The following MUC4 variants were observed in gnomAD, a reference collection of about 807,000 sequenced individuals.
The protein encoded by MUC4 is mucin-4.
Under a neutral mutation model 257.9 loss-of-function variants are expected in MUC4, and 202 were observed. That is an observed-to-expected ratio of 0.78 (90% CI 0.70 to 0.88). The LOEUF (loss-of-function observed/expected upper bound fraction) is 0.88. Among genes scored for constraint, MUC4 ranks in the 40% least tolerant of loss-of-function variants. The probability of loss-of-function intolerance (pLI) is 0.00; values close to 1 mark genes in which losing one functional copy is unlikely to be tolerated. For missense variants in MUC4, 5,976 were observed against 6,513.7 expected, an observed-to-expected ratio of 0.92 and a Z score of 2.84; for synonymous variants, 2,351 against 2,757.1, an observed-to-expected ratio of 0.85 and a Z score of 4.62.
At chr3:195,748,073 G>A (rs532984239) in intron 24 of MUC4, among the ~76,000 whole-genome samples, 3 of 152,342 alleles carry the variant, frequency 2.0e-5, no homozygotes, top group African/African-American at 7.2e-5. Flanking sequence ...TGCAGCTGGC[G>A]GAGGGCCCGG....
Position 195,782,134 on chromosome 3 carries a change from T to C in MUC4, c.9446A>G (p.Asp3149Gly), listed in dbSNP as rs1442830998. 7.3e-7 allele frequency: 1 copy of C among 1,360,590 alleles called. No homozygotes were observed. Among genetic ancestry groups the C allele is most frequent in the Admixed American group, 2.3e-5 (1 of 43,678 alleles). 84.3% of individuals were successfully genotyped at this position (1,360,590 alleles called of 1,614,324 possible). ...GTCGGTGACAGGAAGAGGGGTGGTG[T>C]CACCTGTGGATGCTGAGGAAGTGCT... ...VTSTSSASTG[D>G]TTPLPVTDTS... The change falls in exon 2 of 25, where the codon GAC becomes GGC. Residue 3149 changes from aspartate to glycine, a missense_variant. Around this residue, in one of 44 missense-constraint regions of MUC4, gnomAD observed 128 missense variants for 104.8 expected, o/e 1.22. Coordinates refer to ENST00000463781, the MANE Select transcript of MUC4 (RefSeq NM_018406.7).
At chr3:195,777,508 A>G (rs1351256624) in intron 3 of MUC4, among the ~76,000 whole-genome samples, 3 of 78,606 alleles carry the variant, frequency 3.8e-5, no homozygotes, top group African/African-American at 2.0e-4. Flanking sequence ...TACCTTCCAC[A>G]GTCATACCTT....
Position 195,791,287 on chromosome 3 carries a change from G to A in MUC4, c.293C>T (p.Thr98Ile). 6.2e-7 allele frequency: 1 copy of A among 1,613,924 alleles called. No homozygotes were observed. Among genetic ancestry groups the A allele is most frequent in the Non-Finnish European group, 8.5e-7 (1 of 1,179,886 alleles). ...AQTDTLTQMMTSTLFSSPSVH... is the reference protein window; with the variant it reads ...AQTDTLTQMMISTLFSSPSVH... ...ACTTGGGGAAGAAAAAAGAGTTGAT[G>A]TCATCATCTGCGTGAGGGTGTCGGT... Residue 98 changes from threonine (T) to isoleucine (I), a missense_variant, in exon 2 of 25, where the codon ACA becomes ATA. Thr to Ile is a moderately conservative substitution (Grantham distance 89). Around this residue, in one of 44 missense-constraint regions of MUC4, gnomAD observed 1,583 missense variants for 1,257.4 expected, o/e 1.26. Transcript: ENST00000463781.
chr3:195,761,868 C>A lies in MUC4; in HGVS notation c.14512+219G>T, dbSNP rs537553059. ...GCTGTGCCCCCCGCCTCCCCGCAGC[C>A]CCCCCTGATGCTCCCTTAGAGCGGG... On this transcript the variant is annotated intron_variant, in intron 14 of 24. Transcript: ENST00000463781. Among the ~76,000 whole-genome samples, 119 of 151,150 alleles carry A rather than the reference C, an allele frequency of 7.9e-4. 2 individuals are homozygous for A. The highest frequency in any genetic ancestry group is 1.1e-3 in the Non-Finnish European group (77 of 67,156).
At chr3:195,802,211 G>A (rs1471189566) in intron 1 of MUC4, among the ~76,000 whole-genome samples, 1 of 152,202 alleles carries the variant, frequency 6.6e-6, no homozygotes, top group African/African-American at 2.4e-5. Flanking sequence ...CCAGAAAGCT[G>A]TGGGTCCTCT....
intron 1 of MUC4, among the ~76,000 whole-genome samples, chr3:195,794,873 T>C (rs903938863): frequency 3.1e-4 from 47 of 152,222 alleles, no homozygotes; most frequent in Non-Finnish European, 7.3e-5. Context: ...TGCAAGCTTC[T>C]GCACTTCATT....
At chr3:195,794,398 GAGAGAGAGAGAGAAAGAA>G (rs1258149585) in intron 1 of MUC4, among the ~76,000 whole-genome samples, 12 of 150,826 alleles carry the variant, frequency 8.0e-5, no homozygotes, top group Admixed American at 1.3e-4. Flanking sequence ...AGAGAAGAAA[GAGAGAGAGAGAGAAAGAA>G]AGAGAGAGAG....
At chr3:195,799,445 C>T (rs1429882838) in intron 1 of MUC4, among the ~76,000 whole-genome samples, 1 of 152,190 alleles carries the variant, frequency 6.6e-6, no homozygotes, top group Non-Finnish European at 1.5e-5. Context: ...GGATTACAGG[C>T]ATGTGCCACC....
chr3:195,767,645 C>T (rs1459871995), intron 7 of MUC4, among the ~76,000 whole-genome samples: 1 of 87,628 alleles, frequency 1.1e-5, no homozygotes, highest in Non-Finnish European at 2.0e-5. Context: ...ACCACCATCG[C>T]CACCACCACC....
intron 4 of MUC4, 87 bp from the exon 5 acceptor site, chr3:195,771,903 C>T (rs1168754363): frequency 1.1e-5 from 16 of 1,448,000 alleles, no homozygotes; most frequent in Non-Finnish European, 1.4e-5. Flanking sequence ...AAAAGCGTGA[C>T]CCCCAAGGGT....
In MUC4 at chr3:195,788,735, A is replaced by C; in HGVS notation, c.2845T>G (p.Ser949Ala). 4.4e-6 allele frequency: 7 copies of C among 1,608,158 alleles called. No individual in the cohort carries two copies. The highest frequency in any genetic ancestry group is 5.9e-6 in the Non-Finnish European group (7 of 1,178,390). Residue 949 changes from serine (S) to alanine (A), a missense_variant, in exon 2 of 25, where the codon TCT becomes GCT. Physicochemically the swap from Ser to Ala is moderately conservative, Grantham distance 99. Coordinates refer to ENST00000463781, the MANE Select transcript of MUC4 (RefSeq NM_018406.7). ...PPSITSTGLT[S>A]PQTETHTLSP... ...AGAGTGTGGGTCTCGGTTTGTGGAG[A>C]TGTAAGCCCAGTGGATGTGATCGAT...
intron 24 of MUC4, 99 bp downstream of exon 24, chr3:195,748,803 A>G: frequency 1.4e-6 from 2 of 1,394,164 alleles, no homozygotes; most frequent in African/African-American, 1.5e-5. Context: ...CTGGTCTCTG[A>G]TCTCTCGAGC....
intron 11 of MUC4, among the ~76,000 whole-genome samples, 196 bp downstream of exon 11, chr3:195,763,849 T>C (rs752754371): frequency 6.6e-6 from 1 of 152,284 alleles, no homozygotes; most frequent in Non-Finnish European, 1.5e-5. Context: ...TGCATTTTCG[T>C]GCCCCGCTAT....
At chr3:195,765,532 C>T in intron 8 of MUC4, 83 bp from the exon 9 acceptor site, 1 of 1,344,252 alleles carries the variant, frequency 7.4e-7, no homozygotes, top group Non-Finnish European at 1.0e-6. Context: ...AACCAAAACT[C>T]ACAAATGCAC....
At chr3:195,793,357 C>T (rs1734113961) in intron 1 of MUC4, among the ~76,000 whole-genome samples, 1 of 151,814 alleles carries the variant, frequency 6.6e-6, no homozygotes, top group South Asian at 2.1e-4. Flanking sequence ...ACAGAAATAG[C>T]TGGGCGTGGT....
chr3:195,790,127 T>C lies in MUC4; in HGVS notation c.1453A>G (p.Thr485Ala), dbSNP rs180775977. The change falls in exon 2 of 25, where the codon ACA (threonine) becomes GCA (alanine). Residue 485 changes from threonine (T) to alanine (A), a missense_variant. By Grantham distance (58) the Thr-to-Ala change is moderately conservative. Around this residue, in one of 44 missense-constraint regions of MUC4, gnomAD observed 1,583 missense variants for 1,257.4 expected, o/e 1.26. Transcript: ENST00000463781. ...VSQEIFTLHE[T>A]TTWPSSFSSK... is the part of the protein sequence containing the mutation. ...GAGAATGAGGAAGGCCATGTTGTTGTTTCATGTAGAGTAAATATTTCTTGA... is the reference window on the plus strand; with the variant it reads ...GAGAATGAGGAAGGCCATGTTGTTGCTTCATGTAGAGTAAATATTTCTTGA... 4.8e-5 allele frequency: 78 copies of C among 1,614,036 alleles called. No individual in the cohort carries two copies. The African/African-American group carries it at 9.2e-4, about 19-fold the overall frequency.
chr3:195,775,835 C>T (rs1724482985), intron 3 of MUC4, among the ~76,000 whole-genome samples: 1 of 96,770 alleles, frequency 1.0e-5, no homozygotes, highest in African/African-American at 4.9e-5. Context: ...CACGGTCATA[C>T]CTTCCACACC....
chr3:195,748,400 C>T (rs1715591160), intron 24 of MUC4, among the ~76,000 whole-genome samples: 2 of 152,260 alleles, frequency 1.3e-5, no homozygotes, highest in Non-Finnish European at 2.9e-5. Context: ...CCCGTCTCTA[C>T]TAAAAATGCA....
At chr3:195,804,788 T>C (rs1281080926) in intron 1 of MUC4, among the ~76,000 whole-genome samples, 1 of 152,268 alleles carries the variant, frequency 6.6e-6, no homozygotes, top group African/African-American at 2.4e-5. Flanking sequence ...CCACCGCCTT[T>C]GGCAGGGAGC....
Sources: allele counts gnomAD v4.1 joint callset (sites outside exome capture counted in the v4.1 genomes callset), GRCh38; gene constraint gnomAD v4.1.1; regional missense constraint gnomAD v4.1.1; transcripts MANE v1.5; gene names NCBI Gene and HGNC (gene_info 2026-07-23, HGNC 2026-07-21).